Variants in RABL2B observed in about 807,000 individuals in gnomAD.
The protein encoded by RABL2B is rab-like protein 2B.
A neutral mutation model predicts 26.7 loss-of-function variants in RABL2B; 17 were observed. That is an observed-to-expected ratio of 0.64 (90% CI 0.44 to 0.95). RABL2B has a LOEUF of 0.95. RABL2B is among the 40% of genes least tolerant of loss of function. RABL2B has a pLI of 0.00. For missense variants in RABL2B, 170 were observed against 277.2 expected, an observed-to-expected ratio of 0.61 and a Z score of 2.75; for synonymous variants, 70 against 103.9, an observed-to-expected ratio of 0.67 and a Z score of 1.99.
chr22:50,781,206 T>C (rs1307964626), intron 2 of RABL2B, among the ~76,000 whole-genome samples: 1 of 151,844 alleles, frequency 6.6e-6, no homozygotes, highest in Non-Finnish European at 1.5e-5. Flanking sequence ...TAGCTGGGTG[T>C]GGTGGCAGGC....
At chr22:50,769,610 A>C in intron 6 of RABL2B, 58 bp from the exon 7 acceptor site, 1 of 1,608,152 alleles carries the variant, frequency 6.2e-7, no homozygotes, top group Non-Finnish European at 8.5e-7. Context: ...GAAGGTTTGG[A>C]GGGGGGGGCC....
intron 4 of RABL2B, 37 bp downstream of exon 4, chr22:50,776,633 C>T: frequency 3.8e-6 from 6 of 1,577,056 alleles, no homozygotes; most frequent in Non-Finnish European, 5.2e-6. Flanking sequence ...TTTCCTCTTT[C>T]CTGAGGGTCA....
intron 3 of RABL2B, chr22:50,777,562 C>G (rs2085180007): frequency 1.4e-5 from 4 of 294,028 alleles, no homozygotes; most frequent in South Asian, 1.3e-4. Flanking sequence ...TTACAAAGTT[C>G]ATTCATATCA....
At chr22:50,769,342 C>G in intron 7 of RABL2B, 113 bp downstream of exon 7, 1 of 1,610,916 alleles carries the variant, frequency 6.2e-7, no homozygotes, top group Non-Finnish European at 8.5e-7. Flanking sequence ...CCACCCATGC[C>G]CATGCACTGT....
chr22:50,783,287 C>G (rs1466340253), intron 1 of RABL2B: 1 of 157,382 alleles, frequency 6.4e-6, no homozygotes, highest in Non-Finnish European at 1.4e-5. Flanking sequence ...TCCTTGCCAT[C>G]TAAGTGGGTA....
At position 50,783,601 on chromosome 22, in the gene RABL2B, G is replaced by GC. The variant is rs2086228862; in HGVS notation, c.-155dup. The GC allele has an allele frequency of 6.5e-6, 1 of 153,152 alleles. No individual in the cohort carries two copies. The highest frequency in any genetic ancestry group is 6.5e-5 in the Admixed American group (1 of 15,304). 9.5% of individuals were successfully genotyped at this position (153,152 alleles called of 1,614,324 possible). ...CTCTGCGCGCTCTCGAACCACGCCC[G>GC]CCGGCCCAGCTCGCGCCGCAGCGCA... On this transcript the variant is annotated 5_prime_UTR_variant, in exon 1 of 9. Transcript: ENST00000691320.
At chr22:50,777,623 A>G (rs376488897) in intron 3 of RABL2B, 54,522 of 426,546 alleles carry the variant, frequency 0.13, 3,911 homozygotes, top group African/African-American at 0.23. Context: ...AGAGAGGTTA[A>G]ATGACTTGGC....
chr22:50,780,894 A>G lies in RABL2B; in HGVS notation c.107+1294T>C, dbSNP rs141784150. Among the ~76,000 whole-genome samples the G allele has an allele frequency of 2.2e-3, 341 of 152,300 alleles. 3 individuals are homozygous for G. The highest frequency in any genetic ancestry group is 8.0e-3 in the African/African-American group (333 of 41,542). On this transcript the variant is annotated intron_variant, in intron 2 of 8. Coordinates refer to ENST00000691320, the MANE Select transcript of RABL2B (RefSeq NM_001130919.3). ...TGTTATTAAAGTGGCAATTTGCTTT[A>G]CACCTGCCTGCCATTTCTATTCTTT...
chr22:50,780,255 T>C (rs1437514823), intron 2 of RABL2B, among the ~76,000 whole-genome samples: 1 of 150,008 alleles, frequency 6.7e-6, no homozygotes, highest in Non-Finnish European at 1.5e-5. Flanking sequence ...AAAAGGCACC[T>C]TAAAGAAAGC....
At chr22:50,782,542 C>T (rs1197371440) in intron 1 of RABL2B, among the ~76,000 whole-genome samples, 195 bp from the exon 2 acceptor site, 2 of 152,180 alleles carry the variant, frequency 1.3e-5, no homozygotes, top group Non-Finnish European at 2.9e-5. Flanking sequence ...TTAAGTCCTG[C>T]GCACCCCAAA....
chr22:50,770,660 C>G (rs1362894619), intron 5 of RABL2B, among the ~76,000 whole-genome samples: 2 of 151,510 alleles, frequency 1.3e-5, no homozygotes, highest in East Asian at 1.9e-4. Context: ...TTTTTTAGTC[C>G]TCTTGTATTT....
intron 7 of RABL2B, 41 bp from the exon 8 acceptor site, chr22:50,769,165 C>G: frequency 1.6e-6 from 1 of 636,246 alleles, no homozygotes; most frequent in Non-Finnish European, 2.7e-6. Flanking sequence ...GTGCCTTGGA[C>G]TCTGCCCAGT....
chr22:50,773,583 A>C (rs1180067637), intron 5 of RABL2B, among the ~76,000 whole-genome samples: 1 of 151,460 alleles, frequency 6.6e-6, no homozygotes, highest in East Asian at 1.9e-4. Context: ...ACATCAGAGG[A>C]GGCTGCACGG....
At chr22:50,773,023 G>C (rs2084415560) in intron 5 of RABL2B, 11 of 1,252,328 alleles carry the variant, frequency 8.8e-6, no homozygotes, top group Non-Finnish European at 1.1e-5. Flanking sequence ...TGCAGACACA[G>C]GCATGGTGGC....
intron 3 of RABL2B, 37 bp from the exon 4 acceptor site, chr22:50,776,786 G>C: frequency 2.5e-6 from 4 of 1,580,898 alleles, no homozygotes; most frequent in Non-Finnish European, 3.4e-6. Context: ...AATAAAAGGG[G>C]AGGTAAGGAA....
chr22:50,778,063 C>A (rs2085262324), intron 2 of RABL2B, 82 bp from the exon 3 acceptor site: 2 of 1,604,366 alleles, frequency 1.2e-6, no homozygotes, highest in African/African-American at 2.7e-5. Flanking sequence ...AGGCTGACAA[C>A]CTGGAAGCCA....
chr22:50,773,428 CCAGT>C (rs1166238644), intron 5 of RABL2B, among the ~76,000 whole-genome samples: 4 of 152,154 alleles, frequency 2.6e-5, no homozygotes, highest in African/African-American at 4.8e-5. Context: ...ACTGTGCCTA[CCAGT>C]CAGTCAGTTC....
At chr22:50,780,193 A>G (rs1310507874) in intron 2 of RABL2B, among the ~76,000 whole-genome samples, 9 of 151,560 alleles carry the variant, frequency 5.9e-5, no homozygotes, top group African/African-American at 1.9e-4. Context: ...GCCCTCCAAC[A>G]GAGCCCTGAG....
intron 2 of RABL2B, chr22:50,780,520 A>G (rs1287817701): frequency 5.5e-6 from 2 of 366,904 alleles, no homozygotes; most frequent in African/African-American, 2.2e-5. Flanking sequence ...TTTTAGCCCA[A>G]CTGAGTTTAG....
Sources: allele counts gnomAD v4.1 joint callset (sites outside exome capture counted in the v4.1 genomes callset), GRCh38; gene constraint gnomAD v4.1.1; transcripts MANE v1.5; gene names NCBI Gene and HGNC (gene_info 2026-07-23, HGNC 2026-07-21).